The following CTNNA3 variants were observed in gnomAD, a reference collection of about 807,000 sequenced individuals.
CTNNA3 encodes the protein catenin alpha 3.
Under a neutral mutation model 95.7 loss-of-function variants are expected in CTNNA3, and 76 were observed. That is an observed-to-expected ratio of 0.79 (90% CI 0.66 to 0.96). The LOEUF is 0.96. CTNNA3 is among the 40% of genes least tolerant of loss of function. CTNNA3 has a pLI of 0.00. For synonymous variants in CTNNA3, 431 were observed against 374.4 expected (o/e 1.15, Z -1.74); for missense variants, 1,191 against 1,089.8 (o/e 1.09, Z -1.31).
intron 10 of CTNNA3, among the ~76,000 whole-genome samples, chr10:66,591,576 C>T (rs1196515863): frequency 6.6e-6 from 1 of 152,076 alleles, no homozygotes; most frequent in Non-Finnish European, 1.5e-5. Context: ...TTGACATTGA[C>T]CTGAAACTTA....
chr10:67,094,282 C>T (rs2131921029), intron 7 of CTNNA3, among the ~76,000 whole-genome samples: 1 of 151,820 alleles, frequency 6.6e-6, no homozygotes, highest in East Asian at 1.9e-4. Flanking sequence ...AATGGATATC[C>T]TACATGGATA....
chr10:66,775,795 G>A (rs371965288), intron 7 of CTNNA3, among the ~76,000 whole-genome samples: 2 of 152,258 alleles, frequency 1.3e-5, no homozygotes, highest in African/African-American at 4.8e-5. Flanking sequence ...TTATCTTCAT[G>A]AAACTCTGAT....
intron 14 of CTNNA3, among the ~76,000 whole-genome samples, chr10:66,100,301 G>A (rs77697049): frequency 0.021 from 3,189 of 152,216 alleles, 44 homozygotes; most frequent in Middle Eastern, 0.061. Flanking sequence ...TGTGGGGTTC[G>A]TGCCTCATAT....
At chr10:67,069,234 A>G (rs766725085) in intron 7 of CTNNA3, among the ~76,000 whole-genome samples, 1 of 151,998 alleles carries the variant, frequency 6.6e-6, no homozygotes, top group Non-Finnish European at 1.5e-5. Context: ...ATCAAAGTAT[A>G]CCCTTTTTTA....
chr10:66,187,810 T>G (rs2086422835), intron 13 of CTNNA3, among the ~76,000 whole-genome samples: 1 of 150,562 alleles, frequency 6.6e-6, no homozygotes. Flanking sequence ...GCAGAGAGAG[T>G]TAGCAAATTA....
At chr10:66,477,179 C>T (rs1839357152) in intron 11 of CTNNA3, among the ~76,000 whole-genome samples, 1 of 152,026 alleles carries the variant, frequency 6.6e-6, no homozygotes, top group African/African-American at 2.4e-5. Context: ...ATTTGATATA[C>T]ATCAATTTTT....
intron 5 of CTNNA3, among the ~76,000 whole-genome samples, chr10:67,432,821 A>G (rs534059007): frequency 6.6e-6 from 1 of 152,152 alleles, no homozygotes; most frequent in South Asian, 2.1e-4. Flanking sequence ...TCAGCCCATG[A>G]CAACGATCAT....
chr10:66,855,257 G>T lies in CTNNA3; in HGVS notation c.1048-79733C>A, dbSNP rs182195115. Reference sequence around the variant, plus strand: ...AATTATCTAGCGATCTTTGTAAATCGTGGCATAACTAGGCTTTACCACAGA... The same window carrying T: ...AATTATCTAGCGATCTTTGTAAATCTTGGCATAACTAGGCTTTACCACAGA... On this transcript the variant is annotated intron_variant, in intron 7 of 17. Transcript: ENST00000433211. Among the ~76,000 whole-genome samples the T allele has an allele frequency of 2.1e-3, 325 of 152,002 alleles. 2 individuals are homozygous for T. Among genetic ancestry groups the T allele is most frequent in the African/African-American group, 7.4e-3 (308 of 41,528 alleles).
At chr10:66,965,685 C>T (rs977586134) in intron 7 of CTNNA3, among the ~76,000 whole-genome samples, 49 of 151,112 alleles carry the variant, frequency 3.2e-4, no homozygotes, top group African/African-American at 1.1e-3. Flanking sequence ...CAAAGCAAAA[C>T]TGTAGCAAAG....
chr10:66,475,393 A>G (rs1839287571), intron 11 of CTNNA3, among the ~76,000 whole-genome samples: 1 of 152,040 alleles, frequency 6.6e-6, no homozygotes, highest in African/African-American at 2.4e-5. Context: ...TAAGTTTCGT[A>G]TAGACTCTGG....
intron 11 of CTNNA3, among the ~76,000 whole-genome samples, chr10:66,407,426 A>G (rs1275856836): frequency 1.3e-5 from 2 of 151,954 alleles, no homozygotes; most frequent in East Asian, 1.9e-4. Flanking sequence ...CACCGATGAT[A>G]ATAATAATAA....
At chr10:66,254,765 A>G (rs959219701) in intron 13 of CTNNA3, among the ~76,000 whole-genome samples, 3 of 152,132 alleles carry the variant, frequency 2.0e-5, no homozygotes, top group South Asian at 2.1e-4. Flanking sequence ...TTAGAAACCA[A>G]TGATCTTTGG....
At chr10:67,107,776 G>T (rs952429928) in intron 7 of CTNNA3, among the ~76,000 whole-genome samples, 3 of 151,946 alleles carry the variant, frequency 2.0e-5, no homozygotes, top group African/African-American at 7.3e-5. Context: ...CTCCAAACAG[G>T]TCTGCACACT....
chr10:67,147,116 T>G (rs1860886026), intron 7 of CTNNA3, among the ~76,000 whole-genome samples: 1 of 152,206 alleles, frequency 6.6e-6, no homozygotes, highest in Non-Finnish European at 1.5e-5. Flanking sequence ...TCCACCTCTT[T>G]CTACATTTAA....
At chr10:66,153,114 T>G (rs1486987983) in intron 13 of CTNNA3, among the ~76,000 whole-genome samples, 2 of 151,970 alleles carry the variant, frequency 1.3e-5, no homozygotes, top group African/African-American at 4.8e-5. Context: ...CATAAAATGT[T>G]TCTTTTTCAA....
At chr10:66,088,047 G>A (rs1343168337) in intron 14 of CTNNA3, among the ~76,000 whole-genome samples, 2 of 151,640 alleles carry the variant, frequency 1.3e-5, no homozygotes, top group African/African-American at 4.8e-5. Context: ...AACAACCACG[G>A]CTCATTCTAG....
chr10:67,179,521 A>G (rs975168302), intron 7 of CTNNA3, among the ~76,000 whole-genome samples: 1 of 149,984 alleles, frequency 6.7e-6, no homozygotes, highest in African/African-American at 2.5e-5. Context: ...AAAACTAGAC[A>G]CTGTCACATT....
intron 11 of CTNNA3, among the ~76,000 whole-genome samples, chr10:66,415,287 T>C (rs1030220964): frequency 3.3e-5 from 5 of 151,800 alleles, no homozygotes; most frequent in African/African-American, 1.2e-4. Context: ...TGATGACATA[T>C]GACCACTCCT....
rs1170594360 is a variant in CTNNA3 at position 66,978,526 on chromosome 10, C to CAAAA, written c.1047+201787_1047+201790dup. Among the ~76,000 whole-genome samples, 41 of 42,314 alleles carry CAAAA rather than the reference C, an allele frequency of 9.7e-4. 4 individuals carry two copies. The highest frequency in any genetic ancestry group is 2.7e-3 in the African/African-American group (26 of 9,744). The allele number at this position is 42,314 out of a possible 152,430, so 27.8% of individuals were successfully genotyped here. Reference sequence around the variant, plus strand: ...TGGATGATAGAGTGAGACTCCATCTCAAAAAAAAAAAAAAAAAAAAAAAAA... The same window carrying CAAAA: ...TGGATGATAGAGTGAGACTCCATCTCAAAAAAAAAAAAAAAAAAAAAAAAAAAAA... On this transcript the variant is annotated intron_variant, in intron 7 of 17. Coordinates refer to ENST00000433211, the MANE Select transcript of CTNNA3 (RefSeq NM_013266.4).
Sources: allele counts gnomAD v4.1 joint callset (sites outside exome capture counted in the v4.1 genomes callset), GRCh38; gene constraint gnomAD v4.1.1; transcripts MANE v1.5; gene names NCBI Gene and HGNC (gene_info 2026-07-23, HGNC 2026-07-21).